Variants in MAP2K4 observed in about 807,000 individuals in gnomAD.
The protein encoded by MAP2K4 is dual specificity mitogen-activated protein kinase kinase 4.
Under a neutral mutation model 48.5 loss-of-function variants are expected in MAP2K4, and 4 were observed. The ratio of observed to expected loss-of-function variants is 0.08; its 90% CI spans 0.04 to 0.19. The LOEUF (loss-of-function observed/expected upper bound fraction) is 0.19. Among genes scored for constraint, MAP2K4 ranks in the 10% least tolerant of loss-of-function variants. MAP2K4 has a pLI of 1.00. For synonymous variants in MAP2K4, 166 were observed against 173.1 expected, an observed-to-expected ratio of 0.96 and a Z score of 0.32; for missense variants, 258 against 493.3, an observed-to-expected ratio of 0.52 and a Z score of 4.52.
At chr17:12,085,727 C>T (rs935672621) in intron 3 of MAP2K4, among the ~76,000 whole-genome samples, 1 of 152,036 alleles carries the variant, frequency 6.6e-6, no homozygotes, top group Non-Finnish European at 1.5e-5. Context: ...AATCCTGATG[C>T]TTGATAGTAA....
chr17:12,042,167 CAAAAAA>C (rs71142262), intron 1 of MAP2K4, among the ~76,000 whole-genome samples: 8 of 55,384 alleles, frequency 1.4e-4, no homozygotes, highest in African/African-American at 4.1e-4. Context: ...AACTTTGTCT[CAAAAAA>C]AAAAAAAAAA....
At chr17:12,056,248 T>A (rs546565302) in intron 2 of MAP2K4, among the ~76,000 whole-genome samples, 5 of 152,178 alleles carry the variant, frequency 3.3e-5, no homozygotes, top group Non-Finnish European at 1.5e-5. Flanking sequence ...CAGATCTTTC[T>A]TTTTTAAAAG....
At chr17:12,073,253 A>T (rs1210010602) in intron 2 of MAP2K4, among the ~76,000 whole-genome samples, 1 of 152,174 alleles carries the variant, frequency 6.6e-6, no homozygotes, top group Non-Finnish European at 1.5e-5. Flanking sequence ...CCAGAAAAAA[A>T]CTGGGGAGAG....
chr17:12,071,837 T>C (rs1189772509), intron 2 of MAP2K4, among the ~76,000 whole-genome samples: 1 of 152,170 alleles, frequency 6.6e-6, no homozygotes, highest in Non-Finnish European at 1.5e-5. Context: ...TGTGGGAGTA[T>C]ACAAACTATT....
chr17:12,132,971 A>T (rs1973079828), intron 9 of MAP2K4, among the ~76,000 whole-genome samples: 2 of 152,196 alleles, frequency 1.3e-5, no homozygotes, highest in Admixed American at 1.3e-4. Flanking sequence ...CATTCTGGAG[A>T]TGTATAGAAA....
chr17:12,110,249 A>C, intron 5 of MAP2K4, 126 bp from the exon 6 acceptor site: 1 of 684,200 alleles, frequency 1.5e-6, no homozygotes, highest in South Asian at 1.9e-5. Context: ...GAAATGACAA[A>C]ATATTGAAAT....
chr17:12,065,608 G>C (rs952816460), intron 2 of MAP2K4, among the ~76,000 whole-genome samples: 22 of 152,062 alleles, frequency 1.4e-4, no homozygotes, highest in African/African-American at 5.3e-4. Flanking sequence ...CCTAATTTTT[G>C]TATTTTTAGT....
rs763616097 is a variant in MAP2K4, at chr17:12,113,318, T to A, written c.771T>A (p.Ser257=). 36 of 1,613,832 alleles carry A rather than the reference T, an allele frequency of 2.2e-5. No individual in the cohort carries two copies. The highest frequency in any genetic ancestry group is 2.9e-5 in the Non-Finnish European group (34 of 1,179,770). Residue 257 remains serine, a synonymous_variant, in exon 7 of 11, where the codon TCT becomes TCA. Coordinates refer to ENST00000353533, the MANE Select transcript of MAP2K4 (RefSeq NM_003010.4). ...GCATCAGTGGACAGCTTGTGGACTC[T>A]ATTGCCAAGACAAGAGATGCTGGCT... ...DFGISGQLVD[S]IAKTRDAGCR...
chr17:12,070,647 T>A (rs1970772243), intron 2 of MAP2K4, among the ~76,000 whole-genome samples: 4 of 152,228 alleles, frequency 2.6e-5, no homozygotes, highest in African/African-American at 9.6e-5. Context: ...TTGGTATCAT[T>A]TATATCATGT....
chr17:12,026,212 CTTGT>C (rs1175748018), intron 1 of MAP2K4, among the ~76,000 whole-genome samples: 3 of 152,138 alleles, frequency 2.0e-5, no homozygotes, highest in South Asian at 4.1e-4. Context: ...TGTGCTGAAA[CTTGT>C]TTAAGATGGG....
chr17:12,095,103 A>C (rs1006959392), intron 3 of MAP2K4, among the ~76,000 whole-genome samples: 6 of 152,124 alleles, frequency 3.9e-5, no homozygotes, highest in African/African-American at 1.4e-4. Flanking sequence ...GAATGAGGAC[A>C]CTGTGGTATG....
At chr17:12,042,940 G>A (rs981112733) in intron 1 of MAP2K4, among the ~76,000 whole-genome samples, 3 of 151,524 alleles carry the variant, frequency 2.0e-5, no homozygotes, top group Admixed American at 6.6e-5. Context: ...CCAGCTACTC[G>A]GGAGGCTGAG....
chr17:12,034,751 A>C (rs1181139386), intron 1 of MAP2K4, among the ~76,000 whole-genome samples: 1 of 152,220 alleles, frequency 6.6e-6, no homozygotes, highest in Non-Finnish European at 1.5e-5. Context: ...AGGATGGTGC[A>C]GGAGTGGATC....
At chr17:12,043,360 A>G (rs1051542452) in intron 1 of MAP2K4, among the ~76,000 whole-genome samples, 4 of 152,132 alleles carry the variant, frequency 2.6e-5, no homozygotes, top group Non-Finnish European at 5.9e-5. Flanking sequence ...ACACCAAGCA[A>G]TTCTCTGACA....
chr17:12,031,636 A>AG (rs951824174), intron 1 of MAP2K4, among the ~76,000 whole-genome samples: 1 of 152,226 alleles, frequency 6.6e-6, no homozygotes, highest in African/African-American at 2.4e-5. Context: ...TAGGTTTCTA[A>AG]GGGGAATTCA....
chr17:12,028,528 A>G (rs962519588), intron 1 of MAP2K4, among the ~76,000 whole-genome samples: 3 of 152,208 alleles, frequency 2.0e-5, no homozygotes, highest in African/African-American at 7.2e-5. Context: ...ATGATATACT[A>G]TGGGTAGCTG....
chr17:12,096,276 C>T (rs193078953), intron 4 of MAP2K4, among the ~76,000 whole-genome samples: 1 of 151,984 alleles, frequency 6.6e-6, no homozygotes, highest in Admixed American at 6.6e-5. Context: ...AACTAAAGCT[C>T]TAATTTCTTG....
At chr17:12,073,828 A>G (rs1430132764) in intron 2 of MAP2K4, among the ~76,000 whole-genome samples, 1 of 144,560 alleles carries the variant, frequency 6.9e-6, no homozygotes, top group South Asian at 2.2e-4. Flanking sequence ...GCTGGAGTGC[A>G]GTGGCGTGAT....
intron 2 of MAP2K4, among the ~76,000 whole-genome samples, chr17:12,065,421 C>T (rs1970585517): frequency 6.6e-6 from 1 of 151,598 alleles, no homozygotes; most frequent in Non-Finnish European, 1.5e-5. Flanking sequence ...GCCTCAGCCT[C>T]CCAAGTGGCT....
Sources: allele counts gnomAD v4.1 joint callset (sites outside exome capture counted in the v4.1 genomes callset), GRCh38; gene constraint gnomAD v4.1.1; transcripts MANE v1.5; gene names NCBI Gene and HGNC (gene_info 2026-07-23, HGNC 2026-07-21).